Variants in ANKS3 observed in about 807,000 individuals in gnomAD.
ANKS3 encodes the protein ankyrin repeat and sterile alpha motif domain containing 3.
Under a neutral mutation model 80.7 loss-of-function variants are expected in ANKS3, and 62 were observed. That is an observed-to-expected ratio of 0.77 (90% CI 0.63 to 0.95). ANKS3 has a LOEUF of 0.95. Ranked by LOEUF, ANKS3 falls within the 40% of genes least tolerant of loss-of-function variation. ANKS3 has a pLI of 0.00. For missense variants in ANKS3, 1,150 were observed against 883.6 expected, an observed-to-expected ratio of 1.30 and a Z score of -3.82; for synonymous variants, 489 against 355.3, an observed-to-expected ratio of 1.38 and a Z score of -4.23.
At chr16:4,713,659 T>C (rs941675432) in intron 7 of ANKS3, among the ~76,000 whole-genome samples, 2 of 152,202 alleles carry the variant, frequency 1.3e-5, no homozygotes, top group Admixed American at 6.5e-5. Context: ...AATTTATACA[T>C]TGTCACAATC....
intron 8 of ANKS3, among the ~76,000 whole-genome samples, chr16:4,703,714 A>G (rs1016682026): frequency 1.3e-4 from 20 of 152,118 alleles, no homozygotes; most frequent in Admixed American, 3.3e-4. Flanking sequence ...CCCGGCCCCA[A>G]ATTTCTTAAT....
chr16:4,700,771 G>C (rs780248113), intron 11 of ANKS3, 199 bp downstream of exon 11: 2 of 801,084 alleles, frequency 2.5e-6, no homozygotes, highest in African/African-American at 3.3e-5. Flanking sequence ...CCGTGGAGAG[G>C]AACAGAGTAG....
At chr16:4,706,493 CCA>C (rs767044775) in intron 7 of ANKS3, among the ~76,000 whole-genome samples, 14 of 152,122 alleles carry the variant, frequency 9.2e-5, no homozygotes, top group Admixed American at 2.6e-4. Flanking sequence ...CCTTGGCCTC[CCA>C]CAAAGTGCTG....
At chr16:4,702,439 T>C (rs924307535) in intron 8 of ANKS3, among the ~76,000 whole-genome samples, 197 bp from the exon 9 acceptor site, 2 of 152,168 alleles carry the variant, frequency 1.3e-5, no homozygotes, top group Non-Finnish European at 2.9e-5. Flanking sequence ...AGCAAGTGCC[T>C]GGTGGGGCGA....
chr16:4,711,872 G>A (rs993253479), intron 7 of ANKS3, among the ~76,000 whole-genome samples: 3 of 152,046 alleles, frequency 2.0e-5, no homozygotes, highest in Non-Finnish European at 4.4e-5. Context: ...CTCTATAGAA[G>A]AAATAGAAAA....
rs1449226723 is a variant in ANKS3 at position 4,726,681 on chromosome 16, T to C, written c.469A>G (p.Ser157Gly). ...HQHMVRFLLDSGANANVREPI... is the reference protein window; with the variant it reads ...HQHMVRFLLDGGANANVREPI... ...CACCTCACGTTGGCATTGGCTCCACTGTCCAAGAGGAACCTGACCATGTGC... is the reference window on the plus strand; with the variant it reads ...CACCTCACGTTGGCATTGGCTCCACCGTCCAAGAGGAACCTGACCATGTGC... Residue 157 changes from serine (S) to glycine (G), a missense_variant, in exon 5 of 18, where the codon AGT (serine) becomes GGT (glycine). Ser to Gly is a moderately conservative substitution (Grantham distance 56, BLOSUM62 0). Coordinates refer to ENST00000304283, the MANE Select transcript of ANKS3 (RefSeq NM_133450.4). The C allele has an allele frequency of 1.2e-6, 2 of 1,614,054 alleles. No homozygotes were observed. Among genetic ancestry groups the C allele is most frequent in the South Asian group, 1.1e-5 (1 of 91,086 alleles).
intron 10 of ANKS3, 144 bp downstream of exon 10, chr16:4,701,290 G>C: frequency 7.3e-7 from 1 of 1,378,062 alleles, no homozygotes; most frequent in Non-Finnish European, 9.9e-7. Context: ...TGAGAAGCCA[G>C]ACCCTGGACA....
intron 3 of ANKS3, chr16:4,727,440 C>A: frequency 1.8e-6 from 1 of 545,748 alleles, no homozygotes; most frequent in East Asian, 3.2e-5. Context: ...CTCTTTCACA[C>A]CACCAGATAG....
In ANKS3 at chr16:4,701,024, G is replaced by A. The variant is rs144928887; in HGVS notation, c.1230C>T (p.Gly410=). Residue 410 remains glycine (G), a synonymous_variant, in exon 11 of 18, where the codon GGC becomes GGT. Transcript: ENST00000304283. ...TCTGGGGGCTGGACTCAGCGAGAAA[G>A]CCTTCCCTGTCAGTTGCAGCGCGGG... ...WPPRAATDRE[G]FLAESSPQTQ... The A allele has an allele frequency of 5.1e-3, 8,291 of 1,614,082 alleles. 42 individuals are homozygous for A. The highest frequency in any genetic ancestry group is 5.3e-3 in the Non-Finnish European group (6,225 of 1,180,008).
rs553278720 is a variant in ANKS3 at position 4,712,079 on chromosome 16, G to C, written c.709+1972C>G. Among the ~76,000 whole-genome samples the C allele has an allele frequency of 3.3e-5, 5 of 152,256 alleles. No individual in the cohort carries two copies. The South Asian group carries it at 1.0e-3, about 32-fold the overall frequency. ...TGATAGACAGAACAAAAATAGAAAA[G>C]TATAGACCACGCCGGGAGCGGTGGC... On this transcript the variant is annotated intron_variant, in intron 7 of 17. Transcript: ENST00000304283.
chr16:4,696,864 C>T lies in ANKS3; in HGVS notation c.*44G>A, dbSNP rs914498589. The T allele has an allele frequency of 4.1e-6, 3 of 724,612 alleles. No individual in the cohort carries two copies. In the Admixed American group the frequency reaches 6.7e-5, roughly 16 times the overall value. 44.9% of individuals were successfully genotyped at this position (724,612 alleles called of 1,614,324 possible). On this transcript the variant is annotated 3_prime_UTR_variant, in exon 18 of 18. Transcript: ENST00000304283. ...GTCCTCCTCACTCCCTGGCACACAG[C>T]TTCAGGGTGGACCAATCACCCAACG...
intron 6 of ANKS3, among the ~76,000 whole-genome samples, chr16:4,718,076 ATTTTTT>A (rs780141955): frequency 7.5e-6 from 1 of 133,730 alleles, no homozygotes; most frequent in African/African-American, 2.8e-5. Flanking sequence ...TGCCTGGCCA[ATTTTTT>A]TTTTTTTTTT....
Position 4,698,863 on chromosome 16 carries a change from C to T in ANKS3, c.1488G>A (p.Leu496=). The change falls in exon 13 of 18, where the codon CTG becomes CTA. Residue 496 remains leucine (L), a synonymous_variant. Coordinates refer to ENST00000304283, the MANE Select transcript of ANKS3 (RefSeq NM_133450.4). The part of the protein sequence containing the change: ...HSSARPPGDA[L]ELAYADRLEA... ...CCAGCCGGTCGGCGTAGGCCAGCTC[C>T]AGGGCATCCCCGGGTGGGCGGGCAC... is the stretch of plus-strand genomic sequence containing the variant. 3.1e-6 allele frequency: 5 copies of T among 1,603,316 alleles called. No individual in the cohort carries two copies. The highest frequency in any genetic ancestry group is 4.3e-6 in the Non-Finnish European group (5 of 1,174,442).
chr16:4,697,207 T>C, intron 16 of ANKS3, 103 bp from the exon 17 acceptor site: 2 of 1,557,710 alleles, frequency 1.3e-6, no homozygotes, highest in Non-Finnish European at 1.8e-6. Context: ...CCTCACCCGT[T>C]ATGGCCCCAG....
chr16:4,698,298 G>C, intron 14 of ANKS3, 129 bp downstream of exon 14: 1 of 1,305,744 alleles, frequency 7.7e-7, no homozygotes, highest in African/African-American at 1.5e-5. Flanking sequence ...ATGAAATGGG[G>C]GTGGGGTGGC....
chr16:4,701,620 G>A (rs989439662), intron 9 of ANKS3, 77 bp from the exon 10 acceptor site: 13 of 1,301,408 alleles, frequency 1.0e-5, no homozygotes, highest in South Asian at 9.7e-5. Flanking sequence ...GGGCTGAGCC[G>A]CCTCCACCAG....
intron 1 of ANKS3, among the ~76,000 whole-genome samples, chr16:4,733,716 A>G (rs1171303796): frequency 2.6e-5 from 4 of 152,226 alleles, no homozygotes; most frequent in African/African-American, 9.7e-5. Flanking sequence ...GCCTGTATCA[A>G]AATCTCTCAT....
intron 7 of ANKS3, among the ~76,000 whole-genome samples, chr16:4,708,145 G>GCC (rs2080298396): frequency 6.6e-6 from 1 of 151,816 alleles, no homozygotes; most frequent in Non-Finnish European, 1.5e-5. Flanking sequence ...AGATAGATCA[G>GCC]TAGATGATAA....
At chr16:4,717,861 T>C (rs1471805976) in intron 6 of ANKS3, among the ~76,000 whole-genome samples, 2 of 151,694 alleles carry the variant, frequency 1.3e-5, no homozygotes, top group East Asian at 1.9e-4. Context: ...AATGGCGCAA[T>C]CTCGGCTCAC....
Sources: gnomAD v4.1 joint callset for allele counts (sites outside exome capture counted in the v4.1 genomes callset) on GRCh38, gnomAD v4.1.1 for gene constraint, MANE v1.5 for transcripts, NCBI Gene and HGNC (gene_info 2026-07-23, HGNC 2026-07-21) for gene names.